Variants in ETV6 observed in about 807,000 individuals in gnomAD.
ETV6 encodes the protein transcription factor ETV6.
Under a neutral mutation model 51.1 loss-of-function variants are expected in ETV6, and 16 were observed. The ratio of observed to expected loss-of-function variants is 0.31; its 90% CI spans 0.21 to 0.48. The LOEUF is 0.48. Among genes scored for constraint, ETV6 ranks in the 20% least tolerant of loss-of-function variants. ETV6 has a pLI of 0.99. For missense variants in ETV6, 458 were observed against 594.8 expected (o/e 0.77, Z 2.39); for synonymous variants, 240 against 224.1 (o/e 1.07, Z -0.64).
intron 2 of ETV6, among the ~76,000 whole-genome samples, chr12:11,763,655 G>A (rs1197161297): frequency 6.6e-6 from 1 of 152,234 alleles, no homozygotes; most frequent in Non-Finnish European, 1.5e-5. Context: ...TCTTATAGCT[G>A]TTATTCCAGA....
intron 3 of ETV6, among the ~76,000 whole-genome samples, chr12:11,847,835 G>C (rs1199463872): frequency 6.6e-6 from 1 of 152,132 alleles, no homozygotes; most frequent in Non-Finnish European, 1.5e-5. Flanking sequence ...TGGGGACAAG[G>C]GGCATGTACA....
rs1001258138 is a variant in ETV6, at chr12:11,890,989, G to A, written c.1302G>A (p.Leu434=). Residue 434 remains leucine (L), a synonymous_variant, in exon 8 of 8, where the codon CTG becomes CTA. Coordinates refer to ENST00000396373, the MANE Select transcript of ETV6 (RefSeq NM_001987.5). ...DEIMSGRTDR[L]EHLESQELDE... ...TCATGAGTGGCCGAACAGACCGTCT[G>A]GAGCACCTAGAGTCCCAGGAGCTGG... 3.1e-6 allele frequency: 5 copies of A among 1,613,930 alleles called. No homozygotes were observed. Among genetic ancestry groups the A allele is most frequent in the Non-Finnish European group, 4.2e-6 (5 of 1,179,870 alleles).
rs183739313 is a variant in ETV6, at chr12:11,822,819, G to C, written c.164-16321G>C. ...CCAGAAAGGACAGCCATTGCTTCCT[G>C]GAAGCTGGGCTTGGCAACAGGCATG... On this transcript the variant is annotated intron_variant, in intron 2 of 7. Coordinates refer to ENST00000396373, the MANE Select transcript of ETV6 (RefSeq NM_001987.5). Among the ~76,000 whole-genome samples the C allele has an allele frequency of 3.1e-3, 474 of 152,328 alleles. 2 individuals carry two copies. The highest frequency in any genetic ancestry group is 0.014 in the Middle Eastern group (4 of 294).
chr12:11,878,792 A>G (rs1947035875), intron 5 of ETV6, among the ~76,000 whole-genome samples: 1 of 147,074 alleles, frequency 6.8e-6, no homozygotes, highest in African/African-American at 2.5e-5. Context: ...TTCTGCTTCT[A>G]GGTAATGGCT....
intron 5 of ETV6, among the ~76,000 whole-genome samples, chr12:11,882,681 A>C (rs1450060190): frequency 6.6e-6 from 1 of 152,240 alleles, no homozygotes; most frequent in Non-Finnish European, 1.5e-5. Context: ...CCTGTAAAGT[A>C]AGTGCTGTTA....
intron 1 of ETV6, chr12:11,750,866 A>C: frequency 2.1e-6 from 1 of 478,404 alleles, no homozygotes; most frequent in South Asian, 1.5e-5. Context: ...CCATCCTTCA[A>C]GTTAAAGTTT....
intron 1 of ETV6, among the ~76,000 whole-genome samples, chr12:11,740,127 A>G (rs1276892959): frequency 6.6e-6 from 1 of 152,268 alleles, no homozygotes; most frequent in African/African-American, 2.4e-5. Context: ...ATTCGTGCGT[A>G]GTACGAATTT....
chr12:11,714,850 G>A (rs139372106), intron 1 of ETV6, among the ~76,000 whole-genome samples: 2 of 152,046 alleles, frequency 1.3e-5, no homozygotes, highest in African/African-American at 4.8e-5. Flanking sequence ...GTGTGCTTTG[G>A]CAATCACAAA....
chr12:11,840,525 A>G, intron 3 of ETV6: 1 of 456,044 alleles, frequency 2.2e-6, no homozygotes, highest in South Asian at 1.5e-5. Context: ...CATAGTCCCT[A>G]ACTACGTTCA....
intron 1 of ETV6, among the ~76,000 whole-genome samples, chr12:11,687,270 C>T (rs923376862): frequency 1.5e-4 from 23 of 150,744 alleles, no homozygotes; most frequent in Non-Finnish European, 3.1e-4. Context: ...CCACGCCCCC[C>T]ACCAGGTTCA....
At chr12:11,699,882 T>G (rs1326850964) in intron 1 of ETV6, among the ~76,000 whole-genome samples, 2 of 152,204 alleles carry the variant, frequency 1.3e-5, no homozygotes, top group African/African-American at 2.4e-5. Context: ...TTGGACTTCC[T>G]TCATTAAACT....
At chr12:11,758,608 A>G (rs1945038901) in intron 2 of ETV6, among the ~76,000 whole-genome samples, 1 of 152,008 alleles carries the variant, frequency 6.6e-6, no homozygotes, top group Admixed American at 6.6e-5. Flanking sequence ...CTCAGTCTGG[A>G]ACTTTCTTCC....
At chr12:11,650,514 A>C (rs1373375190) in intron 1 of ETV6, among the ~76,000 whole-genome samples, 8 of 150,234 alleles carry the variant, frequency 5.3e-5, no homozygotes, top group African/African-American at 7.4e-5. Flanking sequence ...AAAAAAAAAA[A>C]ACCTGCTCCC....
At chr12:11,733,849 G>A (rs568592494) in intron 1 of ETV6, among the ~76,000 whole-genome samples, 1 of 152,340 alleles carries the variant, frequency 6.6e-6, no homozygotes, top group Admixed American at 6.5e-5. Flanking sequence ...GTGGCCCGCT[G>A]TACTGATTTT....
chr12:11,663,519 G>C (rs897623312), intron 1 of ETV6, among the ~76,000 whole-genome samples: 6 of 152,196 alleles, frequency 3.9e-5, no homozygotes, highest in African/African-American at 1.2e-4. Flanking sequence ...AGCATATAGA[G>C]GAAAAGATTA....
At chr12:11,679,199 T>C (rs907093168) in intron 1 of ETV6, among the ~76,000 whole-genome samples, 4 of 152,212 alleles carry the variant, frequency 2.6e-5, no homozygotes, top group Admixed American at 6.5e-5. Context: ...ATAAGCACTT[T>C]AGGGGAAAAG....
rs137959487 is a variant in ETV6, at chr12:11,720,606, C to A, written c.34-31844C>A. On this transcript the variant is annotated intron_variant, in intron 1 of 7. Coordinates refer to ENST00000396373, the MANE Select transcript of ETV6 (RefSeq NM_001987.5). ...AGATGGATTAAATCGAAATCTAAGA[C>A]CTCAAACTGTAAAAATCCTAGAAGA... Among the ~76,000 whole-genome samples, 4 of 152,244 alleles carry A rather than the reference C, an allele frequency of 2.6e-5. No individual in the cohort carries two copies. The East Asian group carries it at 7.7e-4, about 29-fold the overall frequency.
chr12:11,778,801 T>A (rs949509095), intron 2 of ETV6, among the ~76,000 whole-genome samples: 1 of 152,246 alleles, frequency 6.6e-6, no homozygotes, highest in South Asian at 2.1e-4. Context: ...TCTTTAAGAT[T>A]GGAGCCCTCC....
chr12:11,875,544 G>A lies in ETV6; in HGVS notation c.1009+5575G>A, dbSNP rs183549755. Among the ~76,000 whole-genome samples the A allele has an allele frequency of 8.5e-5, 13 of 152,298 alleles. No homozygotes were observed. In the East Asian group the frequency reaches 2.5e-3, roughly 29 times the overall value. On this transcript the variant is annotated intron_variant, in intron 5 of 7. Transcript: ENST00000396373. ...GAAAGTATATTGGCCACAAGCACCTGTAGGTGGCTGAGGTGTGACTGTAGT... is the reference window on the plus strand; with the variant it reads ...GAAAGTATATTGGCCACAAGCACCTATAGGTGGCTGAGGTGTGACTGTAGT...
Sources: gnomAD v4.1 joint callset for allele counts (sites outside exome capture counted in the v4.1 genomes callset) on GRCh38, gnomAD v4.1.1 for gene constraint, MANE v1.5 for transcripts, NCBI Gene and HGNC (gene_info 2026-07-23, HGNC 2026-07-21) for gene names.